Variants in DLK2 observed in about 807,000 individuals in gnomAD.
The protein encoded by DLK2 is delta like non-canonical Notch ligand 2.
A neutral mutation model predicts 31.3 loss-of-function variants in DLK2; 9 were observed. That is an observed-to-expected ratio of 0.29 (90% CI 0.17 to 0.50). The LOEUF is 0.50. DLK2 is among the 20% of genes least tolerant of loss of function. The pLI is 0.98. For missense variants in DLK2, 387 were observed against 526.1 expected (o/e 0.74, Z 2.59); for synonymous variants, 169 against 201.2 (o/e 0.84, Z 1.35).
At chr6:43,455,639 T>TCCCCCCCCCCCCCCCC (rs1318987135), upstream of DLK2, 3 of 48,000 alleles carry the variant, frequency 6.3e-5, no homozygotes, top group South Asian at 8.0e-4. Context: ...CCCACCCCCA[T>TCCCCCCCCCCCCCCCC]CCCCCCCCCC....
Position 43,450,557 on chromosome 6 carries a change from T to G in DLK2, c.1134A>C (p.Gly378=). Residue 378 remains glycine (G), a synonymous_variant, in exon 6 of 6, where the codon GGA becomes GGC. Transcript: ENST00000372488. This position sits in a 1 kb window ranked among gnomAD's most constrained non-coding sequence, Gnocchi z 4.5. ...ACCTCCATCACAGTGCTGTGGTCTT[T>G]CCAGGCTCAGGGGGCAAGTCACGTG... ...PLPRDLPPEP[G]KTTAL 1 of 1,566,300 alleles carries G rather than the reference T, an allele frequency of 6.4e-7. No homozygotes were observed. Among genetic ancestry groups the G allele is most frequent in the Non-Finnish European group, 8.7e-7 (1 of 1,154,618 alleles).
In DLK2 at chr6:43,450,554, C is replaced by G; in HGVS notation, c.1137G>C (p.Lys379Asn). ...CCCACCTCCATCACAGTGCTGTGGTCTTTCCAGGCTCAGGGGGCAAGTCAC... is the reference window on the plus strand; with the variant it reads ...CCCACCTCCATCACAGTGCTGTGGTGTTTCCAGGCTCAGGGGGCAAGTCAC... ...LPRDLPPEPG[K>N]TTAL The change falls in exon 6 of 6, where the codon AAG becomes AAC. Residue 379 changes from lysine to asparagine, a missense_variant. Coordinates refer to ENST00000372488, the MANE Select transcript of DLK2 (RefSeq NM_023932.4). The surrounding 1 kb of genome is among the most constrained non-coding windows in gnomAD (Gnocchi z 4.5). The G allele has an allele frequency of 6.4e-7, 1 of 1,564,072 alleles. No homozygotes were observed. The highest frequency in any genetic ancestry group is 8.7e-7 in the Non-Finnish European group (1 of 1,153,354).
chr6:43,455,792 A>C (rs1267295800), upstream of DLK2, among the ~76,000 whole-genome samples: 2 of 151,920 alleles, frequency 1.3e-5, no homozygotes, highest in African/African-American at 4.8e-5. Flanking sequence ...AAGCCAAAGG[A>C]GCGCAACCCC....
Position 43,453,187 on chromosome 6 carries a change from T to A in DLK2, c.141-52A>T, listed in dbSNP as rs1279978778. 1 of 1,548,822 alleles carries A rather than the reference T, an allele frequency of 6.5e-7. No individual in the cohort carries two copies. The stretch of plus-strand genomic sequence containing the variant: ...GCTCTGGGTCATGGATGTGAAGAAA[T>A]GGAGGAGACAGAACCAGAGCTTCTA... On this transcript the variant is annotated intron_variant, in intron 3 of 5. Transcript: ENST00000372488. This position sits in a 1 kb window ranked among gnomAD's most constrained non-coding sequence, Gnocchi z 4.1.
At position 43,450,436 on chromosome 6, in the gene DLK2, TCTC is replaced by T. The variant is rs1247922777; in HGVS notation, c.*100_*102del. The stretch of plus-strand genomic sequence containing the variant: ...TAATATTTCTGGTGTGAGGCTGAGG[TCTC>T]CTCTGTGTGTGTACCCAAGCTGAAG... On this transcript the variant is annotated 3_prime_UTR_variant, in exon 6 of 6. Coordinates refer to ENST00000372488, the MANE Select transcript of DLK2 (RefSeq NM_023932.4). The surrounding 1 kb of genome is among the most constrained non-coding windows in gnomAD (Gnocchi z 4.5). 7.7e-7 allele frequency: 1 copy of T among 1,295,250 alleles called. No homozygotes were observed. Among genetic ancestry groups the T allele is most frequent in the Non-Finnish European group, 1.0e-6 (1 of 955,794 alleles). 80.2% of individuals were successfully genotyped at this position (1,295,250 alleles called of 1,614,324 possible). A position where few individuals can be genotyped will look rare whatever the true frequency, so the allele number is the denominator to read the frequency against.
Position 43,450,718 on chromosome 6 carries a change from CAGT to C in DLK2, c.970_972del (p.Thr324del). 1 of 1,614,148 alleles carries C rather than the reference CAGT, an allele frequency of 6.2e-7. No individual in the cohort carries two copies. The highest frequency in any genetic ancestry group is 2.2e-5 in the East Asian group (1 of 44,878). On this transcript the variant is annotated inframe_deletion, in exon 6 of 6. Coordinates refer to ENST00000372488, the MANE Select transcript of DLK2 (RefSeq NM_023932.4). The surrounding 1 kb of genome is among the most constrained non-coding windows in gnomAD (Gnocchi z 4.5). ...CGCCAGGCCCTCAGGGTCAGCAACA[CAGT>C]AGCCAGAACCAGGGCAGCAGTGAGG...
chr6:43,451,559 A>G lies in DLK2; in HGVS notation c.417-285T>C, dbSNP rs1378578859. Among the ~76,000 whole-genome samples, 1 of 152,184 alleles carries G rather than the reference A, an allele frequency of 6.6e-6. No homozygotes were observed. The highest frequency in any genetic ancestry group is 2.1e-4 in the South Asian group (1 of 4,832). Reference sequence around the variant, plus strand: ...TCACAGGCTCCTGGGCCTGATGCAGAAATGAGGACAAGTCCAGCCCTGCAG... The same window carrying G: ...TCACAGGCTCCTGGGCCTGATGCAGGAATGAGGACAAGTCCAGCCCTGCAG... On this transcript the variant is annotated intron_variant, in intron 5 of 5. Coordinates refer to ENST00000372488, the MANE Select transcript of DLK2 (RefSeq NM_023932.4). This position sits in a 1 kb window ranked among gnomAD's most constrained non-coding sequence, Gnocchi z 4.4.
rs145968772 is a variant in DLK2, at chr6:43,451,100, G to A, written c.591C>T (p.Ser197=). ...CAGCAAAGCCCTCAGGACAGAGGCA[G>A]GAGAAGCGGTTTATGCCGTCAAGGC... ...ATCLDGINRF[S]CLCPEGFAGR... The change falls in exon 6 of 6, where the codon TCC becomes TCT. Residue 197 remains serine, a synonymous_variant. Coordinates refer to ENST00000372488, the MANE Select transcript of DLK2 (RefSeq NM_023932.4). The surrounding 1 kb of genome is among the most constrained non-coding windows in gnomAD (Gnocchi z 4.4). 7.4e-6 allele frequency: 12 copies of A among 1,614,130 alleles called. No individual in the cohort carries two copies. In the African/African-American group the frequency reaches 1.5e-4, roughly 20 times the overall value.
At chr6:43,452,345 C>G (rs544001066) in intron 4 of DLK2, among the ~76,000 whole-genome samples, 38 of 152,352 alleles carry the variant, frequency 2.5e-4, no homozygotes, top group African/African-American at 8.9e-4. Context: ...CTTTGGAAGA[C>G]CAAGGTGGGC....
Position 43,450,964 on chromosome 6 carries a change from C to G in DLK2, c.727G>C (p.Gly243Arg), listed in dbSNP as rs1238220877. 6.2e-7 allele frequency: 1 copy of G among 1,614,122 alleles called. No individual in the cohort carries two copies. The highest frequency in any genetic ancestry group is 8.5e-7 in the Non-Finnish European group (1 of 1,180,040). The change falls in exon 6 of 6, where the codon GGT becomes CGT. Residue 243 changes from glycine (G) to arginine (R), a missense_variant. Gly to Arg is a moderately radical substitution (Grantham distance 125, BLOSUM62 -2). Coordinates refer to ENST00000372488, the MANE Select transcript of DLK2 (RefSeq NM_023932.4). This position sits in a 1 kb window ranked among gnomAD's most constrained non-coding sequence, Gnocchi z 4.5. ...DFDCLCPSGY[G>R]GKTCELVLPV... ...AAGACAAGCTCACAGGTCTTGCCAC[C>G]ATAGCCACTGGGGCAGAGGCAGTCG...
chr6:43,450,477 G>C lies in DLK2; in HGVS notation c.*62C>G. On this transcript the variant is annotated 3_prime_UTR_variant, in exon 6 of 6. Transcript: ENST00000372488. This position sits in a 1 kb window ranked among gnomAD's most constrained non-coding sequence, Gnocchi z 4.5. The stretch of plus-strand genomic sequence containing the variant: ...ACCCAAGCTGAAGGGTGGTGAGAAC[G>C]GACCACTCCAGTCTGAGGGGTGGAA... 3 of 1,501,238 alleles carry C rather than the reference G, an allele frequency of 2.0e-6. No individual in the cohort carries two copies. Among genetic ancestry groups the C allele is most frequent in the Non-Finnish European group, 2.7e-6 (3 of 1,123,760 alleles). The allele number at this position is 1,501,238 out of a possible 1,614,324, so 93.0% of individuals were successfully genotyped here. A position where few individuals can be genotyped will look rare whatever the true frequency, so the allele number is the denominator to read the frequency against.
At chr6:43,454,989 G>A (rs1783920122) in intron 1 of DLK2, 109 bp from the exon 2 acceptor site, 3 of 1,432,030 alleles carry the variant, frequency 2.1e-6, no homozygotes, top group Non-Finnish European at 2.7e-6. Context: ...GACAGAAGAA[G>A]GGGATGGGGG....
Position 43,452,047 on chromosome 6 carries a change from A to G in DLK2, c.309T>C (p.Asn103=), listed in dbSNP as rs1363463722. The G allele has an allele frequency of 1.2e-5, 19 of 1,614,102 alleles. No homozygotes were observed. Among genetic ancestry groups the G allele is most frequent in the Admixed American group, 1.7e-5 (1 of 60,002 alleles). The change falls in exon 5 of 6, where the codon AAT becomes AAC. Residue 103 remains asparagine, a synonymous_variant. Transcript: ENST00000372488. ...CCCCGTCATACATGCACTGGCCTCC[A>G]TTCTGGCAGGGGGACTGCGTGGTAC... ...HICTTQSPCQ[N]GGQCMYDGGG... is the part of the protein sequence containing the mutation.
In DLK2 at chr6:43,450,715, A is replaced by T. The variant is rs41281806; in HGVS notation, c.976T>A (p.Leu326Met). 5,372 of 1,614,122 alleles carry T rather than the reference A, an allele frequency of 3.3e-3. 15 individuals are homozygous for T. Among genetic ancestry groups the T allele is most frequent in the Non-Finnish European group, 3.7e-3 (4,391 of 1,179,976 alleles). The stretch of plus-strand genomic sequence containing the variant: ...CGGCGCCAGGCCCTCAGGGTCAGCA[A>T]CACAGTAGCCAGAACCAGGGCAGCA... ...LTAALVLATV[L>M]LTLRAWRRGV... Residue 326 changes from leucine (L) to methionine (M), a missense_variant, in exon 6 of 6, where the codon TTG becomes ATG. By Grantham distance (15) the Leu-to-Met change is conservative (BLOSUM62 2). Transcript: ENST00000372488. The surrounding 1 kb of genome is among the most constrained non-coding windows in gnomAD (Gnocchi z 4.5).
In DLK2 at chr6:43,453,613, T is replaced by A. The variant is rs1783860199; in HGVS notation, c.141-478A>T. On this transcript the variant is annotated intron_variant, in intron 3 of 5. Coordinates refer to ENST00000372488, the MANE Select transcript of DLK2 (RefSeq NM_023932.4). The surrounding 1 kb of genome is among the most constrained non-coding windows in gnomAD (Gnocchi z 4.1). ...TTCAAGACCAGCCTGGCCAACTGGG[T>A]GAAACCCCGTCTCTACAAAAAATAC... Among the ~76,000 whole-genome samples, 1 of 152,034 alleles carries A rather than the reference T, an allele frequency of 6.6e-6. No individual in the cohort carries two copies.
intron 2 of DLK2, 69 bp downstream of exon 2, chr6:43,454,681 G>A: frequency 1.3e-6 from 2 of 1,518,200 alleles, no homozygotes; most frequent in Non-Finnish European, 1.8e-6. Flanking sequence ...GCCTCCGGCC[G>A]GCAGAGGTCA....
intron 1 of DLK2, chr6:43,455,127 G>A: frequency 1.0e-6 from 1 of 980,644 alleles, no homozygotes. Flanking sequence ...CCAGGCGCGG[G>A]AATGGCTGGG....
In DLK2 at chr6:43,453,176, A is replaced by G; in HGVS notation, c.141-41T>C. ...ACAGGGTCAGGGCTCTGGGTCATGG[A>G]TGTGAAGAAATGGAGGAGACAGAAC... is the stretch of plus-strand genomic sequence containing the variant. On this transcript the variant is annotated intron_variant, in intron 3 of 5. Coordinates refer to ENST00000372488, the MANE Select transcript of DLK2 (RefSeq NM_023932.4). This position sits in a 1 kb window ranked among gnomAD's most constrained non-coding sequence, Gnocchi z 4.1. The G allele has an allele frequency of 6.4e-7, 1 of 1,557,810 alleles. No individual in the cohort carries two copies. The highest frequency in any genetic ancestry group is 8.7e-7 in the Non-Finnish European group (1 of 1,148,788).
At chr6:43,454,702 G>T (rs1342141039) in intron 2 of DLK2, 48 bp downstream of exon 2, 1 of 1,535,304 alleles carries the variant, frequency 6.5e-7, no homozygotes, top group South Asian at 1.2e-5. Context: ...ACGTGCAAGC[G>T]AGGACGGCTG....
Sources: allele counts gnomAD v4.1 joint callset (sites outside exome capture counted in the v4.1 genomes callset), GRCh38; gene constraint gnomAD v4.1.1; non-coding constraint Gnocchi (gnomAD v3.1); transcripts MANE v1.5; gene names NCBI Gene and HGNC (gene_info 2026-07-23, HGNC 2026-07-21).